EDDM13: variants seen among roughly 807,000 people sequenced by gnomAD.
EDDM13 encodes epididymal protein 13.
Under a neutral mutation model 17.8 loss-of-function variants are expected in EDDM13, and 24 were observed. The ratio of observed to expected loss-of-function variants is 1.35; its 90% CI spans 0.98 to 1.90. The LOEUF (loss-of-function observed/expected upper bound fraction) is 1.90. Ranked by LOEUF, EDDM13 falls within the 40% of genes most tolerant of loss-of-function variation. The pLI, the probability that EDDM13 is intolerant of heterozygous loss-of-function variation, is 0.00. For synonymous variants in EDDM13, 31 were observed against 37.5 expected, an observed-to-expected ratio of 0.83 and a Z score of 0.63; for missense variants, 97 against 100.8, an observed-to-expected ratio of 0.96 and a Z score of 0.16.
At chr19:56,289,531 T>A (rs1309522402) in intron 8 of EDDM13, among the ~76,000 whole-genome samples, 1 of 152,226 alleles carries the variant, frequency 6.6e-6, no homozygotes, top group Non-Finnish European at 1.5e-5. Flanking sequence ...GACTTGTCCA[T>A]CTTTTAGTAC....
intron 12 of EDDM13, among the ~76,000 whole-genome samples, chr19:56,298,683 A>C (rs994016456): frequency 1.3e-5 from 2 of 152,026 alleles, no homozygotes; most frequent in Non-Finnish European, 2.9e-5. Flanking sequence ...ATAATCCTCT[A>C]TCTATTAAAG....
intron 1 of EDDM13, among the ~76,000 whole-genome samples, 65 bp from the exon 2 acceptor site, chr19:56,276,027 T>C (rs767490712): frequency 2.6e-5 from 4 of 152,218 alleles, no homozygotes; most frequent in Non-Finnish European, 5.9e-5. Context: ...CTGAGTCTAA[T>C]GCTAATTTCT....
chr19:56,278,731 TCTAA>T (rs1271896882), intron 2 of EDDM13, among the ~76,000 whole-genome samples: 1 of 152,122 alleles, frequency 6.6e-6, no homozygotes, highest in African/African-American at 2.4e-5. Flanking sequence ...TGATGGATGG[TCTAA>T]CTAACTCTCA....
At chr19:56,273,464 T>TG (rs2038007971) in intron 1 of EDDM13, among the ~76,000 whole-genome samples, 1 of 82,598 alleles carries the variant, frequency 1.2e-5, no homozygotes, top group Non-Finnish European at 3.3e-5. Flanking sequence ...AATATAGTGA[T>TG]GAAAATAGTT....
intron 8 of EDDM13, among the ~76,000 whole-genome samples, chr19:56,289,374 G>A (rs1452302089): frequency 6.6e-6 from 1 of 152,174 alleles, no homozygotes; most frequent in Non-Finnish European, 1.5e-5. Context: ...GAGAGAAAGG[G>A]GCCAGGCCCT....
At position 56,288,381 on chromosome 19, in the gene EDDM13, C is replaced by G. The variant is rs2039280060; in HGVS notation, c.155-4C>G. Reference sequence around the variant, plus strand: ...CACCCAGCTAACCCCTGCTCATCTTCCAGGTCTCAGACACAACATCACTTC... The same window carrying G: ...CACCCAGCTAACCCCTGCTCATCTTGCAGGTCTCAGACACAACATCACTTC... On this transcript the variant is annotated splice_polypyrimidine_tract_variant and splice_region_variant and intron_variant, in intron 6 of 14. Transcript: ENST00000649256. Among the ~76,000 whole-genome samples, 1 of 152,208 alleles carries G rather than the reference C, an allele frequency of 6.6e-6. No homozygotes were observed. The highest frequency in any genetic ancestry group is 1.5e-5 in the Non-Finnish European group (1 of 68,044).
intron 8 of EDDM13, among the ~76,000 whole-genome samples, chr19:56,290,081 T>C (rs1026467963): frequency 6.6e-6 from 1 of 152,210 alleles, no homozygotes; most frequent in Non-Finnish European, 1.5e-5. Context: ...AACTGGCTAA[T>C]TATCTGAAAC....
At chr19:56,298,823 C>T (rs1277950024) in intron 12 of EDDM13, among the ~76,000 whole-genome samples, 1 of 152,116 alleles carries the variant, frequency 6.6e-6, no homozygotes, top group Non-Finnish European at 1.5e-5. Flanking sequence ...AAATTAAAAA[C>T]AGTCATTTCC....
intron 9 of EDDM13, among the ~76,000 whole-genome samples, chr19:56,291,610 A>G (rs561837948): frequency 6.6e-6 from 1 of 151,966 alleles, no homozygotes; most frequent in Non-Finnish European, 1.5e-5. Flanking sequence ...TGCTCCTGGC[A>G]TCTCATCTCA....
chr19:56,279,928 A>C (rs1457345952), intron 2 of EDDM13, among the ~76,000 whole-genome samples: 3 of 151,998 alleles, frequency 2.0e-5, no homozygotes, highest in Non-Finnish European at 2.9e-5. Context: ...TTAAATTACT[A>C]ATTAATTATT....
intron 14 of EDDM13, among the ~76,000 whole-genome samples, chr19:56,308,983 G>A (rs1447692545): frequency 6.6e-6 from 1 of 152,230 alleles, no homozygotes; most frequent in Non-Finnish European, 1.5e-5. Flanking sequence ...GGCTTTTCAG[G>A]TCATATGGTC....
At chr19:56,305,303 T>C (rs1218507361) in intron 14 of EDDM13, among the ~76,000 whole-genome samples, 4 of 152,222 alleles carry the variant, frequency 2.6e-5, no homozygotes, top group Admixed American at 6.5e-5. Context: ...AGAACTCACC[T>C]ACTCTGGTCA....
chr19:56,304,878 T>A, intron 14 of EDDM13, 48 bp downstream of exon 14: 2 of 808,392 alleles, frequency 2.5e-6, no homozygotes, highest in Non-Finnish European at 3.0e-6. Context: ...GGGGTGGGGT[T>A]AGGGGAGGTT....
At chr19:56,277,306 G>T (rs1057413398) in intron 2 of EDDM13, among the ~76,000 whole-genome samples, 1 of 152,202 alleles carries the variant, frequency 6.6e-6, no homozygotes, top group African/African-American at 2.4e-5. Context: ...TTAATGAATG[G>T]AGAAACAGAG....
At chr19:56,274,453 CAAAAAGAA>C (rs1326930721) in intron 1 of EDDM13, 4 of 97,390 alleles carry the variant, frequency 4.1e-5, no homozygotes, top group African/African-American at 7.3e-5. Flanking sequence ...GACTCTGTTT[CAAAAAGAA>C]AAAAAGAAAA....
chr19:56,309,043 G>A (rs2040872396), intron 14 of EDDM13, among the ~76,000 whole-genome samples: 1 of 152,224 alleles, frequency 6.6e-6, no homozygotes, highest in Non-Finnish European at 1.5e-5. Context: ...ACTGATGGCT[G>A]TGACTGTACC....
intron 14 of EDDM13, among the ~76,000 whole-genome samples, chr19:56,309,573 G>C (rs969351676): frequency 2.0e-5 from 3 of 152,208 alleles, no homozygotes; most frequent in African/African-American, 7.2e-5. Context: ...TAGACTGTGA[G>C]CCCCTGTGGG....
chr19:56,279,451 A>C (rs1197228325), intron 2 of EDDM13, among the ~76,000 whole-genome samples: 3 of 152,202 alleles, frequency 2.0e-5, no homozygotes. Flanking sequence ...AACATAATTT[A>C]ATGCTATTAT....
At chr19:56,307,496 A>G (rs1002663997) in intron 14 of EDDM13, among the ~76,000 whole-genome samples, 1 of 152,178 alleles carries the variant, frequency 6.6e-6, no homozygotes, top group Non-Finnish European at 1.5e-5. Flanking sequence ...TAACTGTGTG[A>G]CATTTACTTA....
Sources: gnomAD v4.1 joint callset for allele counts (sites outside exome capture counted in the v4.1 genomes callset) on GRCh38, gnomAD v4.1.1 for gene constraint, MANE v1.5 for transcripts, NCBI Gene and HGNC (gene_info 2026-07-23, HGNC 2026-07-21) for gene names.